COL13A1: variants seen among roughly 807,000 people sequenced by gnomAD.
COL13A1 encodes the protein collagen alpha-1(XIII) chain.
Under a neutral mutation model 130.9 loss-of-function variants are expected in COL13A1, and 89 were observed. That is an observed-to-expected ratio of 0.68 (90% CI 0.57 to 0.81). The LOEUF is 0.81. COL13A1 is among the 30% of genes least tolerant of loss of function. COL13A1 has a pLI of 0.00. For missense variants in COL13A1, 879 were observed against 934.6 expected, an observed-to-expected ratio of 0.94 and a Z score of 0.78; for synonymous variants, 402 against 341.6, an observed-to-expected ratio of 1.18 and a Z score of -1.95.
intron 14 of COL13A1, among the ~76,000 whole-genome samples, chr10:69,901,633 A>C (rs1388432826): frequency 1.3e-5 from 2 of 152,184 alleles, no homozygotes; most frequent in Non-Finnish European, 2.9e-5. Context: ...ATCTGCAGGG[A>C]TGGGCCCCTC....
intron 1 of COL13A1, among the ~76,000 whole-genome samples, chr10:69,811,871 C>T (rs555955011): frequency 3.9e-5 from 6 of 152,198 alleles, no homozygotes; most frequent in Admixed American, 3.3e-4. Context: ...CCACCCCTCA[C>T]CAGCATCCCT....
intron 1 of COL13A1, among the ~76,000 whole-genome samples, chr10:69,807,343 T>A (rs1490320281): frequency 1.3e-5 from 2 of 152,154 alleles, no homozygotes; most frequent in Non-Finnish European, 2.9e-5. Context: ...TGTTAAGGAA[T>A]CTCCTGGGAG....
At chr10:69,947,413 T>C in intron 38 of COL13A1, 71 bp downstream of exon 38, 1 of 1,414,968 alleles carries the variant, frequency 7.1e-7, no homozygotes, top group Non-Finnish European at 9.8e-7. Context: ...GATCGATCGG[T>C]GATTCCTGAC....
chr10:69,802,675 G>A lies in COL13A1; in HGVS notation c.252G>A (p.Met84Ile), dbSNP rs747073413. Residue 84 changes from methionine (M) to isoleucine (I), a missense_variant, in exon 1 of 41, where the codon ATG becomes ATA. Physicochemically the swap from Met to Ile is conservative, Grantham distance 10. Coordinates refer to ENST00000645393, the MANE Select transcript of COL13A1 (RefSeq NM_001368882.1). The part of the protein sequence containing the change: ...RLEAERGEQQ[M>I]ETAILGRVNQ... ...AAGCGGAGCGCGGGGAGCAGCAAAT[G>A]GAGACGGCTATTTTGGGACGAGTCA... 3 of 1,613,390 alleles carry A rather than the reference G, an allele frequency of 1.9e-6. No homozygotes were observed. Among genetic ancestry groups the A allele is most frequent in the African/African-American group, 2.7e-5 (2 of 74,910 alleles).
chr10:69,873,229 C>T (rs1284470765), intron 4 of COL13A1, among the ~76,000 whole-genome samples: 3 of 152,210 alleles, frequency 2.0e-5, no homozygotes, highest in Non-Finnish European at 4.4e-5. Context: ...CTAATGACTC[C>T]CCTTTTAGAC....
rs372909887 is a variant in COL13A1, at chr10:69,861,423, C to G, written c.365-6375C>G. Among the ~76,000 whole-genome samples the G allele has an allele frequency of 3.9e-4, 59 of 152,266 alleles. 1 individual carries two copies. The highest frequency in any genetic ancestry group is 3.1e-3 in the East Asian group (16 of 5,178). On this transcript the variant is annotated intron_variant, in intron 2 of 40. Coordinates refer to ENST00000645393, the MANE Select transcript of COL13A1 (RefSeq NM_001368882.1). ...CTTACTGGCTCCTGTCCCTTCCTTG[C>G]TCGTACATTCCAGTCTCTCTGCCAA...
chr10:69,945,945 C>T (rs1224209666), intron 37 of COL13A1, among the ~76,000 whole-genome samples: 5 of 152,048 alleles, frequency 3.3e-5, no homozygotes, highest in African/African-American at 9.7e-5. Flanking sequence ...GTGGTGCGCA[C>T]CTGTATCCCA....
At position 69,947,348 on chromosome 10, in the gene COL13A1, T is replaced by C; in HGVS notation, c.2058+6T>C. The C allele has an allele frequency of 6.2e-7, 1 of 1,609,938 alleles. No homozygotes were observed. Reference sequence around the variant, plus strand: ...CCGGGGACAAGGGAAACCGGGTGAGTCTGAGCCCCTGCACTCGTGCTCTAG... The same window carrying C: ...CCGGGGACAAGGGAAACCGGGTGAGCCTGAGCCCCTGCACTCGTGCTCTAG... On this transcript the variant is annotated splice_donor_region_variant and intron_variant, in intron 38 of 40. Coordinates refer to ENST00000645393, the MANE Select transcript of COL13A1 (RefSeq NM_001368882.1).
chr10:69,922,719 C>G lies in COL13A1; in HGVS notation c.1155C>G (p.Gly385=). 1 of 1,605,938 alleles carries G rather than the reference C, an allele frequency of 6.2e-7. No homozygotes were observed. The highest frequency in any genetic ancestry group is 8.5e-7 in the Non-Finnish European group (1 of 1,176,716). Residue 385 remains glycine (G), a synonymous_variant, in exon 23 of 41, where the codon GGC becomes GGG. Coordinates refer to ENST00000645393, the MANE Select transcript of COL13A1 (RefSeq NM_001368882.1). ...PGLLGQKGEK[G]DAGNSIGGGR... ...CCTTCCACCCCCAGGGAGAGAAAGG[C>G]GATGCTGGCAACTCCATTGGAGGAG...
At chr10:69,855,342 C>T (rs1328018776) in intron 2 of COL13A1, among the ~76,000 whole-genome samples, 3 of 152,162 alleles carry the variant, frequency 2.0e-5, no homozygotes, top group East Asian at 1.9e-4. Flanking sequence ...TACACATGCA[C>T]GCCTTCACCA....
chr10:69,865,607 C>T lies in COL13A1; in HGVS notation c.365-2191C>T, dbSNP rs577530513. The stretch of plus-strand genomic sequence containing the variant: ...CCTTCTATGGCACAGCATTAGCTCA[C>T]AAAGAGGATTTTCCTGTTTCTGAAA... On this transcript the variant is annotated intron_variant, in intron 2 of 40. Transcript: ENST00000645393. 5.3e-5 allele frequency among the ~76,000 whole-genome samples: 8 copies of T among 152,328 alleles called. No individual in the cohort carries two copies. The South Asian group carries it at 1.7e-3, about 32-fold the overall frequency.
intron 1 of COL13A1, among the ~76,000 whole-genome samples, chr10:69,819,457 ATAC>A (rs1252732596): frequency 6.6e-6 from 1 of 152,180 alleles, no homozygotes; most frequent in Non-Finnish European, 1.5e-5. Context: ...CTGAGCTGTG[ATAC>A]AGTCATGACA....
rs1268487367 is a variant in COL13A1, at chr10:69,937,592, G to A, written c.1798-43G>A. 3 of 923,692 alleles carry A rather than the reference G, an allele frequency of 3.2e-6. No homozygotes were observed. In the African/African-American group the frequency reaches 4.9e-5, roughly 15 times the overall value. 57.2% of individuals were successfully genotyped at this position (923,692 alleles called of 1,614,324 possible). A position where few individuals can be genotyped will look rare whatever the true frequency, so the allele number is the denominator to read the frequency against. On this transcript the variant is annotated intron_variant, in intron 33 of 40. Coordinates refer to ENST00000645393, the MANE Select transcript of COL13A1 (RefSeq NM_001368882.1). ...CAGAATGCAAGAATGAATTGTCTGG[G>A]ACATGTCCTTGTGTGATCTCGTCCC...
chr10:69,945,937 G>A (rs1478179584), intron 37 of COL13A1, among the ~76,000 whole-genome samples: 1 of 152,062 alleles, frequency 6.6e-6, no homozygotes, highest in Admixed American at 6.5e-5. Flanking sequence ...CACGTGTGGT[G>A]GTGCGCACCT....
intron 9 of COL13A1, 108 bp from the exon 10 acceptor site, chr10:69,889,306 A>AC (rs2060923207): frequency 7.2e-7 from 1 of 1,391,740 alleles, no homozygotes; most frequent in African/African-American, 1.4e-5. Context: ...AGGGAGGAGC[A>AC]CGGGGGGCAG....
intron 33 of COL13A1, among the ~76,000 whole-genome samples, chr10:69,937,272 C>T (rs543704571): frequency 5.9e-5 from 9 of 152,292 alleles, no homozygotes; most frequent in African/African-American, 1.4e-4. Flanking sequence ...TTTGTTCTCC[C>T]GACTAGGCTG....
chr10:69,952,965 A>G lies in COL13A1; in HGVS notation c.2142A>G (p.Pro714=). Reference sequence around the variant, plus strand: ...CGCCTGGATTAGATGCCCCCTGCCCATTGGTATGTTTTTGTTTATCACTTG... The same window carrying G: ...CGCCTGGATTAGATGCCCCCTGCCCGTTGGTATGTTTTTGTTTATCACTTG... ...QGAPGLDAPC[P]LGEDGLPVQG... The change falls in exon 39 of 41, where the codon CCA becomes CCG. Residue 714 remains proline, a synonymous_variant. Transcript: ENST00000645393. The G allele has an allele frequency of 6.5e-7, 1 of 1,530,366 alleles. No homozygotes were observed. The highest frequency in any genetic ancestry group is 2.5e-5 in the East Asian group (1 of 39,574). 94.8% of individuals were successfully genotyped at this position (1,530,366 alleles called of 1,614,324 possible). A position where few individuals can be genotyped will look rare whatever the true frequency, so the allele number is the denominator to read the frequency against.
At chr10:69,918,235 C>G (rs536272641) in intron 18 of COL13A1, 50 bp from the exon 19 acceptor site, 1 of 1,581,348 alleles carries the variant, frequency 6.3e-7, no homozygotes, top group South Asian at 1.1e-5. Context: ...CCCCCTGCTG[C>G]CCCCTCGCTG....
chr10:69,810,365 AG>A (rs1284643912), intron 1 of COL13A1, among the ~76,000 whole-genome samples: 1 of 145,024 alleles, frequency 6.9e-6, no homozygotes, highest in Non-Finnish European at 1.5e-5. Context: ...AGAGAGAGAG[AG>A]AGAGAGAGAG....
Sources: allele counts gnomAD v4.1 joint callset (sites outside exome capture counted in the v4.1 genomes callset), GRCh38; gene constraint gnomAD v4.1.1; transcripts MANE v1.5; gene names NCBI Gene and HGNC (gene_info 2026-07-23, HGNC 2026-07-21).